POLR3B: variants seen among roughly 807,000 people sequenced by gnomAD.
The protein encoded by POLR3B is RNA polymerase III subunit B.
POLR3B carries 96 observed loss-of-function variants against 147.4 expected under a neutral mutation model. That is an observed-to-expected ratio of 0.65 (90% CI 0.55 to 0.77). The LOEUF is 0.77. POLR3B is among the 30% of genes least tolerant of loss of function. The pLI is 0.00. For synonymous variants in POLR3B, 461 were observed against 485.9 expected, an observed-to-expected ratio of 0.95 and a Z score of 0.67; for missense variants, 1,036 against 1,413.5, an observed-to-expected ratio of 0.73 and a Z score of 4.28.
intron 23 of POLR3B, among the ~76,000 whole-genome samples, chr12:106,481,134 C>T (rs1434268794): frequency 6.6e-6 from 1 of 152,148 alleles, no homozygotes; most frequent in African/African-American, 2.4e-5. Flanking sequence ...AGGAGGCAGC[C>T]ATGAGGCTCA....
intron 10 of POLR3B, among the ~76,000 whole-genome samples, chr12:106,399,584 CG>C (rs2037032875): frequency 6.6e-6 from 1 of 152,156 alleles, no homozygotes; most frequent in South Asian, 2.1e-4. Context: ...GGAGAAAGAT[CG>C]GGTTACCCAC....
chr12:106,458,515 A>G (rs1329164180), intron 21 of POLR3B, among the ~76,000 whole-genome samples: 1 of 152,192 alleles, frequency 6.6e-6, no homozygotes, highest in Non-Finnish European at 1.5e-5. Flanking sequence ...GAAGGGCACT[A>G]AAATAGAAGG....
intron 12 of POLR3B, among the ~76,000 whole-genome samples, chr12:106,412,509 A>G (rs1275838703): frequency 6.6e-6 from 1 of 152,232 alleles, no homozygotes; most frequent in African/African-American, 2.4e-5. Flanking sequence ...GTGAAAAGCC[A>G]TAAAACAGGA....
At chr12:106,465,699 G>C (rs759437804) in intron 23 of POLR3B, among the ~76,000 whole-genome samples, 1 of 152,160 alleles carries the variant, frequency 6.6e-6, no homozygotes, top group Non-Finnish European at 1.5e-5. Flanking sequence ...ACTTATGAGT[G>C]AGAACATGCA....
At chr12:106,390,195 G>A (rs61943690) in intron 9 of POLR3B, among the ~76,000 whole-genome samples, 35,881 of 147,504 alleles carry the variant, frequency 0.24, 4,938 homozygotes, top group African/African-American at 0.36. Flanking sequence ...TCCAGCCTGG[G>A]CAACAGAGTA....
In POLR3B at chr12:106,484,740, G is replaced by A. The variant is rs926066443; in HGVS notation, c.2714-11315G>A. ...TCAGGAACAGCCTCTCGGAGGAAGC[G>A]ACATTGAGCTGAGACACGAAGGATA... On this transcript the variant is annotated intron_variant, in intron 23 of 27. Coordinates refer to ENST00000228347, the MANE Select transcript of POLR3B (RefSeq NM_018082.6). Among the ~76,000 whole-genome samples, 6 of 152,136 alleles carry A rather than the reference G, an allele frequency of 3.9e-5. No individual in the cohort carries two copies. In the East Asian group the frequency reaches 7.7e-4, roughly 20 times the overall value.
intron 1 of POLR3B, among the ~76,000 whole-genome samples, chr12:106,358,438 C>G (rs1264730821): frequency 6.6e-6 from 1 of 152,158 alleles, no homozygotes; most frequent in Non-Finnish European, 1.5e-5. Context: ...TTTAAACGCC[C>G]TCAATATTTA....
chr12:106,465,469 CT>C (rs11429763), intron 23 of POLR3B, among the ~76,000 whole-genome samples: 1 of 151,580 alleles, frequency 6.6e-6, no homozygotes, highest in Non-Finnish European at 1.5e-5. Context: ...TTCCACTAAA[CT>C]TTTTTTTTGT....
At position 106,392,090 on chromosome 12, in the gene POLR3B, C is replaced by T. The variant is rs553064729; in HGVS notation, c.724-941C>T. 6.1e-4 allele frequency among the ~76,000 whole-genome samples: 93 copies of T among 152,284 alleles called. 2 individuals carry two copies. In the South Asian group the frequency reaches 0.015, roughly 25 times the overall value. On this transcript the variant is annotated intron_variant, in intron 9 of 27. Coordinates refer to ENST00000228347, the MANE Select transcript of POLR3B (RefSeq NM_018082.6). Reference sequence around the variant, plus strand: ...ACCATATGGAATCTACAAAGACTTGCGTTGCTGCTGCCACCTTGAAACACT... The same window carrying T: ...ACCATATGGAATCTACAAAGACTTGTGTTGCTGCTGCCACCTTGAAACACT...
chr12:106,371,891 T>A (rs1208688971), intron 6 of POLR3B, among the ~76,000 whole-genome samples: 2 of 151,848 alleles, frequency 1.3e-5, no homozygotes, highest in Non-Finnish European at 2.9e-5. Context: ...TATACATATG[T>A]AACTAACCTG....
intron 16 of POLR3B, among the ~76,000 whole-genome samples, chr12:106,435,502 G>T (rs999329702): frequency 5.9e-5 from 9 of 151,604 alleles, no homozygotes; most frequent in African/African-American, 2.2e-4. Context: ...AGCCAGAATT[G>T]GTTTCTCTTC....
chr12:106,466,472 T>C (rs1480827264), intron 23 of POLR3B, among the ~76,000 whole-genome samples: 1 of 152,240 alleles, frequency 6.6e-6, no homozygotes, highest in Non-Finnish European at 1.5e-5. Context: ...ATCCCATTTG[T>C]CAATTTTGGC....
rs1555211681 is a variant in POLR3B at position 106,405,539 on chromosome 12, T to TACACAGACAC, written c.847-313_847-312insGACACACACA. ...GAAGGACTGATGGCTGCTATATGTC[T>TACACAGACAC]ACACACACACACACACACACACACA... On this transcript the variant is annotated intron_variant, in intron 10 of 27. Coordinates refer to ENST00000228347, the MANE Select transcript of POLR3B (RefSeq NM_018082.6). Among the ~76,000 whole-genome samples the TACACAGACAC allele has an allele frequency of 4.2e-5, 6 of 142,700 alleles. No individual in the cohort carries two copies. The East Asian group carries it at 1.4e-3, about 32-fold the overall frequency. The allele number at this position is 142,700 out of a possible 152,430, so 93.6% of individuals were successfully genotyped here.
intron 23 of POLR3B, among the ~76,000 whole-genome samples, chr12:106,477,703 T>A (rs2038194844): frequency 6.6e-6 from 1 of 152,044 alleles, no homozygotes; most frequent in African/African-American, 2.4e-5. Flanking sequence ...GGTGAGGCAA[T>A]GCCTCACCCT....
At chr12:106,508,351 G>A (rs957115208) in intron 27 of POLR3B, among the ~76,000 whole-genome samples, 1 of 152,130 alleles carries the variant, frequency 6.6e-6, no homozygotes, top group Non-Finnish European at 1.5e-5. Context: ...CTCCAGAATG[G>A]CCAATCCTTT....
At chr12:106,413,378 GTTTA>G (rs1301754684) in intron 12 of POLR3B, among the ~76,000 whole-genome samples, 6 of 152,158 alleles carry the variant, frequency 3.9e-5, no homozygotes, top group Non-Finnish European at 8.8e-5. Flanking sequence ...TCATTTACTA[GTTTA>G]TTTGTTTGTT....
At chr12:106,414,200 G>T (rs1593027863) in intron 12 of POLR3B, among the ~76,000 whole-genome samples, 2 of 115,196 alleles carry the variant, frequency 1.7e-5, no homozygotes, top group African/African-American at 3.4e-5. Context: ...TGTATCCCAT[G>T]TTCAGGATGG....
At chr12:106,461,163 C>T (rs571049576) in intron 22 of POLR3B, among the ~76,000 whole-genome samples, 3 of 152,122 alleles carry the variant, frequency 2.0e-5, no homozygotes, top group East Asian at 1.9e-4. Context: ...AGCACGATCT[C>T]GGCTCACTGC....
chr12:106,389,700 T>C (rs182757755), intron 9 of POLR3B, among the ~76,000 whole-genome samples: 330 of 152,240 alleles, frequency 2.2e-3, no homozygotes, highest in Non-Finnish European at 3.7e-3. Flanking sequence ...CTAATGAGTA[T>C]TTCCTCTGAG....
Sources: allele counts gnomAD v4.1 joint callset (sites outside exome capture counted in the v4.1 genomes callset), GRCh38; gene constraint gnomAD v4.1.1; transcripts MANE v1.5; gene names NCBI Gene and HGNC (gene_info 2026-07-23, HGNC 2026-07-21).